Variants in NEBL observed in about 807,000 individuals in gnomAD.
NEBL encodes the protein nebulette, also known as LIM and SH3 protein 2.
In NEBL, 122 loss-of-function variants were observed where a neutral mutation model predicts 140.2. The ratio of observed to expected loss-of-function variants is 0.87; its 90% CI spans 0.75 to 1.01. NEBL has a LOEUF of 1.01. NEBL is among the 50% of genes least tolerant of loss of function. NEBL has a pLI of 0.00. For missense variants in NEBL, 1,365 were observed against 1,231.3 expected (o/e 1.11, Z -1.62); for synonymous variants, 436 against 398.9 (o/e 1.09, Z -1.11).
chr10:21,143,448 C>CAAAAAA (rs72021692), intron 2 of NEBL, among the ~76,000 whole-genome samples: 9 of 66,446 alleles, frequency 1.4e-4, no homozygotes, highest in South Asian at 1.4e-3. Context: ...AACTTCATCT[C>CAAAAAA]AAAAAAAAAA....
At chr10:21,141,462 G>A (rs1208002957) in intron 2 of NEBL, among the ~76,000 whole-genome samples, 2 of 152,016 alleles carry the variant, frequency 1.3e-5, no homozygotes, top group African/African-American at 4.8e-5. Flanking sequence ...TGGAGAATTT[G>A]GAAAAAAGCA....
chr10:21,176,867 T>C (rs1251313876), upstream of NEBL, among the ~76,000 whole-genome samples: 5 of 152,244 alleles, frequency 3.3e-5, no homozygotes, highest in African/African-American at 7.2e-5. Flanking sequence ...ATCTCCTTAC[T>C]TTTTCCTCCT....
chr10:20,992,325 T>C (rs1233787536), intron 3 of NEBL, among the ~76,000 whole-genome samples: 1 of 152,196 alleles, frequency 6.6e-6, no homozygotes, highest in African/African-American at 2.4e-5. Flanking sequence ...AGGTTGAAGT[T>C]ATAGATACTT....
At chr10:21,281,327 T>G (rs1043879295) in intron 1 of NEBL, among the ~76,000 whole-genome samples, 14 of 152,018 alleles carry the variant, frequency 9.2e-5, no homozygotes, top group South Asian at 4.1e-4. Context: ...TTGGGGTTTT[T>G]TGTGTGTGTG....
intron 1 of NEBL, among the ~76,000 whole-genome samples, chr10:21,275,807 A>ATTTTTTTTTTTTTTTTTT: frequency 1.8e-5 from 2 of 113,806 alleles, no homozygotes; most frequent in Non-Finnish European, 3.6e-5. Context: ...CACCCAGCTA[A>ATTTTTTTTTTTTTTTTTT]TTTTTTTTTT....
intron 3 of NEBL, among the ~76,000 whole-genome samples, chr10:21,191,265 C>T (rs1841569173): frequency 6.6e-6 from 1 of 152,200 alleles, no homozygotes; most frequent in Admixed American, 6.5e-5. Context: ...AAGCACTCCA[C>T]ATGCATTGAC....
chr10:21,159,464 G>A (rs1332144697), intron 2 of NEBL, among the ~76,000 whole-genome samples: 2 of 152,172 alleles, frequency 1.3e-5, no homozygotes, highest in African/African-American at 2.4e-5. Context: ...CAGAGACTAC[G>A]TGTTCTAAAG....
intron 3 of NEBL, among the ~76,000 whole-genome samples, chr10:21,218,605 T>A (rs1169495859): frequency 6.6e-6 from 1 of 152,168 alleles, no homozygotes; most frequent in East Asian, 1.9e-4. Context: ...CCTCTGCCCA[T>A]GGAACACAAA....
intron 2 of NEBL, among the ~76,000 whole-genome samples, chr10:21,155,273 G>A (rs930372430): frequency 5.3e-5 from 8 of 152,132 alleles, no homozygotes; most frequent in African/African-American, 1.9e-4. Context: ...TATCCTTTGA[G>A]TTACAAACAA....
Position 21,219,102 on chromosome 10 carries a change from C to T in NEBL, n.348+28819G>A, listed in dbSNP as rs148245235. Reference sequence around the variant, plus strand: ...ATTTTGGGATGGCATACCCCAATCCCCTGCAGGAGCATGTGGTCAGGCCAA... The same window carrying T: ...ATTTTGGGATGGCATACCCCAATCCTCTGCAGGAGCATGTGGTCAGGCCAA... On this transcript the variant is annotated intron_variant and non_coding_transcript_variant, in intron 3 of 8. Coordinates refer to the NEBL transcript ENST00000675702. 5.9e-3 allele frequency among the ~76,000 whole-genome samples: 902 copies of T among 152,328 alleles called. 15 individuals carry two copies. Among genetic ancestry groups the T allele is most frequent in the African/African-American group, 0.021 (856 of 41,576 alleles).
chr10:21,094,491 C>T lies in NEBL; in HGVS notation c.165-74290G>A, dbSNP rs188265263. Among the ~76,000 whole-genome samples the T allele has an allele frequency of 4.9e-3, 534 of 109,936 alleles. 5 individuals are homozygous for T. Among genetic ancestry groups the T allele is most frequent in the African/African-American group, 0.019 (506 of 27,014 alleles). The allele number at this position is 109,936 out of a possible 152,430, so 72.1% of individuals were successfully genotyped here. On this transcript the variant is annotated intron_variant, in intron 2 of 6. Coordinates refer to the NEBL transcript ENST00000417816. ...CACTCCAGCCTGGGAGACAGCGAGA[C>T]TCCGTCTCAAAAAAAAAAAAAAAAA...
intron 2 of NEBL, among the ~76,000 whole-genome samples, chr10:21,061,702 A>G (rs1028536958): frequency 6.6e-6 from 1 of 152,130 alleles, no homozygotes; most frequent in African/African-American, 2.4e-5. Flanking sequence ...CATGCTAATA[A>G]GTTCTTCCTT....
chr10:20,999,892 T>C (rs1227680091), intron 3 of NEBL, among the ~76,000 whole-genome samples: 1 of 152,092 alleles, frequency 6.6e-6, no homozygotes, highest in Non-Finnish European at 1.5e-5. Context: ...TCATCGTTGG[T>C]TCCCCATGCT....
At chr10:20,818,793 C>A in intron 20 of NEBL, 1 of 988,428 alleles carries the variant, frequency 1.0e-6, no homozygotes, top group Non-Finnish European at 1.2e-6. Flanking sequence ...AGCTAAGGTA[C>A]AGCAACACAG....
chr10:20,996,748 A>C (rs1473482295), intron 3 of NEBL, among the ~76,000 whole-genome samples: 2 of 152,224 alleles, frequency 1.3e-5, no homozygotes, highest in East Asian at 3.8e-4. Flanking sequence ...AAAAACAGCC[A>C]GAAAGTTTTA....
At chr10:20,922,750 T>C (rs963290079) in intron 4 of NEBL, among the ~76,000 whole-genome samples, 2 of 152,136 alleles carry the variant, frequency 1.3e-5, no homozygotes, top group African/African-American at 4.8e-5. Context: ...AGGAACATTC[T>C]GAGCACTCGA....
At chr10:20,867,605 G>A (rs1179148970) in intron 7 of NEBL, among the ~76,000 whole-genome samples, 2 of 152,064 alleles carry the variant, frequency 1.3e-5, no homozygotes, top group East Asian at 3.8e-4. Flanking sequence ...TTATCCTTAT[G>A]TAGTATATAG....
At chr10:20,888,832 T>G (rs1238962507) in intron 3 of NEBL, among the ~76,000 whole-genome samples, 1 of 152,220 alleles carries the variant, frequency 6.6e-6, no homozygotes, top group Non-Finnish European at 1.5e-5. Context: ...AATCAATAAT[T>G]GAGAACATCA....
chr10:20,925,720 A>AT (rs1833876855), intron 4 of NEBL, among the ~76,000 whole-genome samples: 1 of 151,914 alleles, frequency 6.6e-6, no homozygotes, highest in Non-Finnish European at 1.5e-5. Context: ...AATTAAAAAA[A>AT]AAAAGGCAGA....
Sources: gnomAD v4.1 joint callset for allele counts (sites outside exome capture counted in the v4.1 genomes callset) on GRCh38, gnomAD v4.1.1 for gene constraint, MANE v1.5 for transcripts, NCBI Gene and HGNC (gene_info 2026-07-23, HGNC 2026-07-21) for gene names.